DLGAP2: variants seen among roughly 807,000 people sequenced by gnomAD.
The protein encoded by DLGAP2 is DLG associated protein 2.
DLGAP2 carries 26 observed loss-of-function variants against 100.3 expected under a neutral mutation model. That is an observed-to-expected ratio of 0.26 (90% CI 0.19 to 0.36). The LOEUF is 0.36. Ranked by LOEUF, DLGAP2 falls within the 10% of genes least tolerant of loss-of-function variation. DLGAP2 has a pLI of 1.00. For synonymous variants in DLGAP2, 886 were observed against 630.1 expected, an observed-to-expected ratio of 1.41 and a Z score of -6.08; for missense variants, 1,858 against 1,453.2, an observed-to-expected ratio of 1.28 and a Z score of -4.53.
At chr8:1,049,825 T>C (rs559894326) in intron 2 of DLGAP2, among the ~76,000 whole-genome samples, 1 of 152,212 alleles carries the variant, frequency 6.6e-6, no homozygotes, top group Admixed American at 6.5e-5. Context: ...CGTGTACACA[T>C]ATGCATAGGC....
chr8:816,370 T>C (rs146090896), intron 1 of DLGAP2, among the ~76,000 whole-genome samples: 22 of 152,302 alleles, frequency 1.4e-4, no homozygotes, highest in African/African-American at 5.3e-4. Flanking sequence ...CAAGGATTTG[T>C]TTCAAGATTT....
At chr8:749,017 G>C (rs1419590118) in intron 1 of DLGAP2, among the ~76,000 whole-genome samples, 1 of 152,160 alleles carries the variant, frequency 6.6e-6, no homozygotes, top group East Asian at 1.9e-4. Context: ...TTTTCTGTAT[G>C]TGAGAGGGGG....
chr8:867,573 C>T (rs192402955), intron 1 of DLGAP2, among the ~76,000 whole-genome samples: 17 of 152,278 alleles, frequency 1.1e-4, no homozygotes, highest in African/African-American at 3.1e-4. Flanking sequence ...GGTGGTAGCA[C>T]GCTCTAGGGA....
chr8:952,527 C>T (rs1799505536), intron 2 of DLGAP2, among the ~76,000 whole-genome samples: 1 of 152,020 alleles, frequency 6.6e-6, no homozygotes, highest in African/African-American at 2.4e-5. Context: ...ATCCCAACTA[C>T]TCAGGAGGCT....
chr8:1,330,708 T>C (rs1585266430), intron 3 of DLGAP2, among the ~76,000 whole-genome samples: 1 of 106,584 alleles, frequency 9.4e-6, no homozygotes, highest in African/African-American at 4.0e-5. Flanking sequence ...TGGGATTGAG[T>C]TCTGGGTGGG....
chr8:934,818 A>G (rs1387672093), intron 2 of DLGAP2, among the ~76,000 whole-genome samples: 3 of 152,190 alleles, frequency 2.0e-5, no homozygotes, highest in Non-Finnish European at 4.4e-5. Flanking sequence ...CTGAAGAAGA[A>G]CAGATCAGAC....
At chr8:845,350 G>GT (rs1797054284) in intron 1 of DLGAP2, among the ~76,000 whole-genome samples, 1 of 152,186 alleles carries the variant, frequency 6.6e-6, no homozygotes, top group Non-Finnish European at 1.5e-5. Context: ...GGTGTGAAGG[G>GT]TATGGTATTG....
intron 3 of DLGAP2, among the ~76,000 whole-genome samples, chr8:1,284,527 A>T (rs1799884288): frequency 6.6e-6 from 1 of 152,038 alleles, no homozygotes; most frequent in Non-Finnish European, 1.5e-5. Flanking sequence ...CGAGCTGTCA[A>T]CTCACCGCTT....
At chr8:1,244,602 C>A (rs964531235) in intron 2 of DLGAP2, among the ~76,000 whole-genome samples, 1 of 38,986 alleles carries the variant, frequency 2.6e-5, no homozygotes, top group South Asian at 1.3e-3. Context: ...AGGCAGACAC[C>A]CCAAATCCAG....
intron 3 of DLGAP2, among the ~76,000 whole-genome samples, chr8:1,498,367 C>G (rs114520559): frequency 8.5e-6 from 1 of 118,220 alleles, no homozygotes. Flanking sequence ...TTTCAAGATA[C>G]GGCAAAATAA....
intron 1 of DLGAP2, among the ~76,000 whole-genome samples, chr8:817,554 C>G (rs1395919743): frequency 6.6e-6 from 1 of 152,098 alleles, no homozygotes; most frequent in Non-Finnish European, 1.5e-5. Flanking sequence ...TATCCTGTTA[C>G]CAGAATTGTT....
At chr8:1,417,324 A>G (rs1444910684) in intron 3 of DLGAP2, among the ~76,000 whole-genome samples, 1 of 151,774 alleles carries the variant, frequency 6.6e-6, no homozygotes, top group Non-Finnish European at 1.5e-5. Context: ...CCCAGGTTCG[A>G]CAGCATCTCA....
chr8:996,861 A>G (rs1800797844), intron 2 of DLGAP2, among the ~76,000 whole-genome samples: 1 of 152,152 alleles, frequency 6.6e-6, no homozygotes, highest in African/African-American at 2.4e-5. Flanking sequence ...AAAGCCCCCA[A>G]GAACTTACAC....
At chr8:1,449,219 T>C (rs1798070482) in intron 3 of DLGAP2, among the ~76,000 whole-genome samples, 1 of 152,216 alleles carries the variant, frequency 6.6e-6, no homozygotes, top group African/African-American at 2.4e-5. Flanking sequence ...AGCCTCCTAT[T>C]GCCAGGGAGG....
chr8:799,849 G>A (rs1219518390), intron 1 of DLGAP2, among the ~76,000 whole-genome samples: 1 of 152,152 alleles, frequency 6.6e-6, no homozygotes, highest in Non-Finnish European at 1.5e-5. Context: ...CTCCTACCTT[G>A]GCCTCTCAGA....
intron 3 of DLGAP2, among the ~76,000 whole-genome samples, chr8:1,299,510 GC>G (rs1172305038): frequency 6.6e-6 from 1 of 152,168 alleles, no homozygotes; most frequent in African/African-American, 2.4e-5. Context: ...GAGCATAAAC[GC>G]ATAGGGAGGA....
chr8:1,352,374 G>C (rs1410381922), intron 3 of DLGAP2, among the ~76,000 whole-genome samples: 1 of 151,960 alleles, frequency 6.6e-6, no homozygotes, highest in Admixed American at 6.6e-5. Flanking sequence ...TCCCCCTGGG[G>C]CTTCCTCATG....
At chr8:1,578,596 T>C (rs1803091988) in intron 6 of DLGAP2, among the ~76,000 whole-genome samples, 1 of 152,216 alleles carries the variant, frequency 6.6e-6, no homozygotes, top group Non-Finnish European at 1.5e-5. Context: ...CTTGGAACAA[T>C]GCCAGAATTA....
At chr8:749,221 G>C (rs993060328) in intron 1 of DLGAP2, among the ~76,000 whole-genome samples, 1 of 152,162 alleles carries the variant, frequency 6.6e-6, no homozygotes, top group Non-Finnish European at 1.5e-5. Flanking sequence ...AAACTCTTGG[G>C]TTCAAGCAGT....
Sources: gnomAD v4.1 joint callset for allele counts (sites outside exome capture counted in the v4.1 genomes callset) on GRCh38, gnomAD v4.1.1 for gene constraint, MANE v1.5 for transcripts, NCBI Gene and HGNC (gene_info 2026-07-23, HGNC 2026-07-21) for gene names.